The following RPLP1 variants were observed in gnomAD, a reference collection of about 807,000 sequenced individuals.
RPLP1 encodes the protein large ribosomal subunit protein P1.
In RPLP1, 4 loss-of-function variants were observed where a neutral mutation model predicts 11.6. The ratio of observed to expected loss-of-function variants is 0.34; its 90% CI spans 0.17 to 0.79. The LOEUF (loss-of-function observed/expected upper bound fraction) is 0.79. Among genes scored for constraint, RPLP1 ranks in the 30% least tolerant of loss-of-function variants. The probability of loss-of-function intolerance (pLI) is 0.55; values close to 1 mark genes in which losing one functional copy is unlikely to be tolerated. For missense variants in RPLP1, 133 were observed against 142.8 expected (o/e 0.93, Z 0.35); for synonymous variants, 54 against 52.2 (o/e 1.03, Z -0.15).
chr15:69,454,042 T>TC, intron 2 of RPLP1: 1 of 333,236 alleles, frequency 3.0e-6, no homozygotes, highest in East Asian at 6.7e-5. Flanking sequence ...TTTTTCTTTT[T>TC]CTTTTTTTTT....
intron 1 of RPLP1, chr15:69,453,320 C>T: frequency 1.7e-6 from 1 of 574,640 alleles, no homozygotes; most frequent in Non-Finnish European, 3.1e-6. Flanking sequence ...TGACCCGTGC[C>T]TCGTCTCTCT....
At position 69,452,832 on chromosome 15, in the gene RPLP1, T is replaced by C. The variant is rs1892365773; in HGVS notation, c.-117T>C. 1 of 950,164 alleles carries C rather than the reference T, an allele frequency of 1.1e-6. No individual in the cohort carries two copies. Among genetic ancestry groups the C allele is most frequent in the Non-Finnish European group, 1.6e-6 (1 of 618,526 alleles). The allele number at this position is 950,164 out of a possible 1,614,324, so 58.9% of individuals were successfully genotyped here. A position where few individuals can be genotyped will look rare whatever the true frequency, so the allele number is the denominator to read the frequency against. ...AGGCGCGAGAGCCCCTTTCCTCAGC[T>C]GCCGCCAAGGTGCTCGGTCCTTCCG... On this transcript the variant is annotated 5_prime_UTR_variant, in exon 1 of 4. Coordinates refer to ENST00000260379, the MANE Select transcript of RPLP1 (RefSeq NM_001003.3).
chr15:69,452,849 G>A lies in RPLP1; in HGVS notation c.-100G>A. 2 of 1,132,988 alleles carry A rather than the reference G, an allele frequency of 1.8e-6. No homozygotes were observed. The highest frequency in any genetic ancestry group is 2.6e-6 in the Non-Finnish European group (2 of 779,408). The allele number at this position is 1,132,988 out of a possible 1,614,324, so 70.2% of individuals were successfully genotyped here. A position where few individuals can be genotyped will look rare whatever the true frequency, so the allele number is the denominator to read the frequency against. On this transcript the variant is annotated 5_prime_UTR_variant, in exon 1 of 4. Coordinates refer to ENST00000260379, the MANE Select transcript of RPLP1 (RefSeq NM_001003.3). ...TCCTCAGCTGCCGCCAAGGTGCTCGGTCCTTCCGAGGAAGCTAAGGCTGCG... is the reference window on the plus strand; with the variant it reads ...TCCTCAGCTGCCGCCAAGGTGCTCGATCCTTCCGAGGAAGCTAAGGCTGCG...
intron 2 of RPLP1, 116 bp from the exon 3 acceptor site, chr15:69,455,054 A>G: frequency 1.4e-6 from 2 of 1,402,940 alleles, no homozygotes; most frequent in Non-Finnish European, 1.9e-6. Flanking sequence ...CACTGTATAT[A>G]GTGTTAGGGG....
intron 2 of RPLP1, 84 bp from the exon 3 acceptor site, chr15:69,455,086 G>A: frequency 6.7e-7 from 1 of 1,498,182 alleles, no homozygotes; most frequent in Non-Finnish European, 8.9e-7. Flanking sequence ...AACCTGGAAT[G>A]GGGGATACTT....
chr15:69,453,629 C>CG lies in RPLP1; in HGVS notation c.73-17dup. The CG allele has an allele frequency of 6.2e-7, 1 of 1,613,400 alleles. No individual in the cohort carries two copies. The highest frequency in any genetic ancestry group is 8.5e-7 in the Non-Finnish European group (1 of 1,179,426). On this transcript the variant is annotated splice_polypyrimidine_tract_variant and intron_variant, in intron 1 of 3. Transcript: ENST00000260379. ...CATACGCTACGTTTTGATGGATTGA[C>CG]GTTTTTATTTGTTGTAGGAGGATAA...
At position 69,455,181 on chromosome 15, in the gene RPLP1, C is replaced by T. The variant is rs144572149; in HGVS notation, c.159C>T (p.Asn53=). Residue 53 remains asparagine (N), a synonymous_variant, in exon 3 of 4, where the codon AAC becomes AAT. Coordinates refer to ENST00000260379, the MANE Select transcript of RPLP1 (RefSeq NM_001003.3). ...CACATGTATTGCAGGCCCTGGCCAA[C>T]GTCAACATTGGGAGCCTCATCTGCA... ...WPGLFAKALA[N]VNIGSLICNV... The T allele has an allele frequency of 3.3e-5, 53 of 1,592,242 alleles. No individual in the cohort carries two copies. Among genetic ancestry groups the T allele is most frequent in the Middle Eastern group, 2.1e-4 (1 of 4,792 alleles).
chr15:69,455,038 G>A, intron 2 of RPLP1, 132 bp from the exon 3 acceptor site: 1 of 1,287,242 alleles, frequency 7.8e-7, no homozygotes, highest in Non-Finnish European at 1.0e-6. Flanking sequence ...CCATGGATGT[G>A]GAACTCACTG....
At chr15:69,454,586 C>G (rs970069686) in intron 2 of RPLP1, 1 of 152,176 alleles carries the variant, frequency 6.6e-6, no homozygotes, top group Non-Finnish European at 1.5e-5. Context: ...AACATTGTAC[C>G]TATGTCATAT....
intron 2 of RPLP1, 26 bp downstream of exon 2, chr15:69,453,747 G>A (rs1346048024): frequency 8.7e-6 from 14 of 1,613,448 alleles, no homozygotes; most frequent in Non-Finnish European, 1.0e-5. Flanking sequence ...CAAAGTGATT[G>A]TGGTAAGGCC....
Position 69,453,521 on chromosome 15 carries a change from C to T in RPLP1, c.73-126C>T. 11 of 1,074,968 alleles carry T rather than the reference C, an allele frequency of 1.0e-5. 1 individual carries two copies. Among genetic ancestry groups the T allele is most frequent in the Middle Eastern group, 3.0e-4 (1 of 3,282 alleles). 66.6% of individuals were successfully genotyped at this position (1,074,968 alleles called of 1,614,324 possible). On this transcript the variant is annotated intron_variant, in intron 1 of 3. Transcript: ENST00000260379. The stretch of plus-strand genomic sequence containing the variant: ...ATTGCAGGGCGCCTGGCACACATCT[C>T]TTTTGCTTGTGATAGAATATTTGAG...
intron 1 of RPLP1, 119 bp from the exon 2 acceptor site, chr15:69,453,528 T>A (rs947506857): frequency 8.9e-7 from 1 of 1,120,452 alleles, no homozygotes; most frequent in African/African-American, 1.5e-5. Context: ...TCTCTTTTGC[T>A]TGTGATAGAA....
Position 69,455,430 on chromosome 15 carries a change from G to C in RPLP1, c.268G>C (p.Glu90Gln), listed in dbSNP as rs1239334465. The C allele has an allele frequency of 1.2e-6, 2 of 1,606,772 alleles. No individual in the cohort carries two copies. Among genetic ancestry groups the C allele is most frequent in the African/African-American group, 2.7e-5 (2 of 74,200 alleles). ...CCTGATTGACTTTTTTTTTCTAGCT[G>C]AGGAGAAGAAAGTGGAAGCAAAGAA... ...PAPSTAAAPA[E>Q]EKKVEAKKEE... The change falls in exon 4 of 4, where the codon GAG becomes CAG. Residue 90 changes from glutamate (E) to glutamine (Q), a missense_variant and splice_region_variant. Coordinates refer to ENST00000260379, the MANE Select transcript of RPLP1 (RefSeq NM_001003.3).
In RPLP1 at chr15:69,452,886, C is replaced by T. The variant is rs1005937951; in HGVS notation, c.-63C>T. The stretch of plus-strand genomic sequence containing the variant: ...AAGCTAAGGCTGCGTTGGGGTGAGG[C>T]CCTCACTTCATCCGGCGACTAGCAC... On this transcript the variant is annotated 5_prime_UTR_variant, in exon 1 of 4. Transcript: ENST00000260379. The T allele has an allele frequency of 2.1e-6, 3 of 1,442,534 alleles. No homozygotes were observed. Among genetic ancestry groups the T allele is most frequent in the Non-Finnish European group, 9.5e-7 (1 of 1,055,620 alleles). 89.4% of individuals were successfully genotyped at this position (1,442,534 alleles called of 1,614,324 possible).
intron 1 of RPLP1, 61 bp downstream of exon 1, chr15:69,453,081 T>TGCGGTTC: frequency 6.9e-7 from 1 of 1,440,594 alleles, no homozygotes; most frequent in Non-Finnish European, 9.5e-7. Context: ...CGGCTCTCCA[T>TGCGGTTC]GCGGTTCCCG....
At chr15:69,455,135 C>T (rs746264828) in intron 2 of RPLP1, 35 bp from the exon 3 acceptor site, 1 of 1,529,782 alleles carries the variant, frequency 6.5e-7, no homozygotes, top group Non-Finnish European at 8.8e-7. Context: ...AAGGACAGAA[C>T]TGGGCGTTTA....
chr15:69,455,223 A>G lies in RPLP1; in HGVS notation c.201A>G (p.Gly67=), dbSNP rs752304435. 1.3e-5 allele frequency: 21 copies of G among 1,606,656 alleles called. No individual in the cohort carries two copies. The highest frequency in any genetic ancestry group is 1.2e-5 in the Non-Finnish European group (14 of 1,176,616). ...TCATCTGCAATGTAGGGGCCGGTGG[A>G]CCTGCTCCAGCAGCTGGTGCTGCAC... is the stretch of plus-strand genomic sequence containing the variant. The part of the protein sequence containing the change: ...GSLICNVGAG[G]PAPAAGAAPA... The change falls in exon 3 of 4, where the codon GGA becomes GGG. Residue 67 remains glycine, a synonymous_variant. Transcript: ENST00000260379.
At chr15:69,453,605 A>C in intron 1 of RPLP1, 42 bp from the exon 2 acceptor site, 1 of 1,600,890 alleles carries the variant, frequency 6.2e-7, no homozygotes, top group Non-Finnish European at 8.6e-7. Flanking sequence ...GAGATATTAC[A>C]TACGCTACGT....
chr15:69,453,047 G>C (rs1200225390), intron 1 of RPLP1, 27 bp downstream of exon 1: 4 of 1,546,004 alleles, frequency 2.6e-6, no homozygotes, highest in Non-Finnish European at 2.6e-6. Context: ...GCCGGCGGCC[G>C]GGCTGCCTGT....
Sources: allele counts gnomAD v4.1 joint callset, GRCh38; gene constraint gnomAD v4.1.1; transcripts MANE v1.5; gene names NCBI Gene and HGNC (gene_info 2026-07-23, HGNC 2026-07-21).